CELF2: variants seen among roughly 807,000 people sequenced by gnomAD.
The protein encoded by CELF2 is CUG triplet repeat RNA-binding protein 2.
CELF2 carries 8 observed loss-of-function variants against 62.6 expected under a neutral mutation model. The observed-to-expected ratio is 0.13, with a 90% CI of 0.07 to 0.23. CELF2 has a LOEUF of 0.23. Among genes scored for constraint, CELF2 ranks in the 10% least tolerant of loss-of-function variants. The probability of loss-of-function intolerance (pLI) is 1.00; values close to 1 mark genes in which losing one functional copy is unlikely to be tolerated. For synonymous variants in CELF2, 258 were observed against 250.0 expected, an observed-to-expected ratio of 1.03 and a Z score of -0.30; for missense variants, 333 against 671.0, an observed-to-expected ratio of 0.50 and a Z score of 5.56.
chr10:11,002,378 A>G (rs574156960), upstream of CELF2, among the ~76,000 whole-genome samples: 1 of 152,290 alleles, frequency 6.6e-6, no homozygotes, highest in Admixed American at 6.5e-5. The surrounding 1 kb of genome is among the most constrained non-coding windows in gnomAD (Gnocchi z 4.4). Flanking sequence ...ACAGAGCCAA[A>G]CCGTATCACT....
chr10:10,772,364 A>G, the CELF2 span, among the ~76,000 whole-genome samples: 3 of 152,324 alleles, frequency 2.0e-5, no homozygotes, highest in East Asian at 3.9e-4. Context: ...TTATTACTCT[A>G]GATTTTTAAA....
the CELF2 span, among the ~76,000 whole-genome samples, chr10:10,527,603 A>G: frequency 6.6e-6 from 1 of 152,182 alleles, no homozygotes; most frequent in East Asian, 1.9e-4. Context: ...CTTGAATTTC[A>G]GGCAGAGGTC....
chr10:10,837,779 C>A (rs188492398), intron 1 of CELF2, among the ~76,000 whole-genome samples: 4 of 152,270 alleles, frequency 2.6e-5, no homozygotes, highest in Admixed American at 2.0e-4. Context: ...AGTGCAAGAT[C>A]CTGACCCAAT....
rs538204014 is a variant in CELF2, at chr10:11,012,632, C to T, written c.53+7192C>T. Reference sequence around the variant, plus strand: ...TGTTCAGCTGTTGTAGTCTGTCAAGCGGTAATGTCTCCTTTTTCTAAAATT... The same window carrying T: ...TGTTCAGCTGTTGTAGTCTGTCAAGTGGTAATGTCTCCTTTTTCTAAAATT... On this transcript the variant is annotated intron_variant, in intron 1 of 12. Coordinates refer to the CELF2 transcript ENST00000416382. The surrounding 1 kb of genome is among the most constrained non-coding windows in gnomAD (Gnocchi z 5.5). 6.6e-6 allele frequency among the ~76,000 whole-genome samples: 1 copy of T among 152,230 alleles called. No individual in the cohort carries two copies. The highest frequency in any genetic ancestry group is 1.9e-4 in the East Asian group (1 of 5,188).
chr10:10,849,635 G>T (rs754529133), intron 1 of CELF2, among the ~76,000 whole-genome samples: 1 of 151,972 alleles, frequency 6.6e-6, no homozygotes, highest in Non-Finnish European at 1.5e-5. Flanking sequence ...CTTACATAAC[G>T]ACAGTACAAT....
chr10:10,606,264 C>CT, the CELF2 span, among the ~76,000 whole-genome samples: 1 of 152,144 alleles, frequency 6.6e-6, no homozygotes, highest in Non-Finnish European at 1.5e-5. Context: ...ATTGAGGAGA[C>CT]TTGGCCAATT....
the CELF2 span, among the ~76,000 whole-genome samples, chr10:10,724,595 G>A: frequency 2.1e-5 from 3 of 145,716 alleles, no homozygotes; most frequent in Non-Finnish European, 4.5e-5. Flanking sequence ...GGCGGAGGTT[G>A]CAGTGAGCCA....
chr10:11,077,588 T>TA (rs905130596), intron 1 of CELF2, among the ~76,000 whole-genome samples: 12 of 152,260 alleles, frequency 7.9e-5, no homozygotes, highest in South Asian at 2.1e-4. Context: ...CTGAGCCTTG[T>TA]AAAAAAATAC....
chr10:10,656,314 G>C, the CELF2 span, among the ~76,000 whole-genome samples: 1 of 145,092 alleles, frequency 6.9e-6, no homozygotes, highest in African/African-American at 2.6e-5. Context: ...TCAGTGTGGC[G>C]ATTCCTCAGG....
intron 3 of CELF2, among the ~76,000 whole-genome samples, chr10:11,218,454 A>G (rs915304106): frequency 6.6e-6 from 1 of 152,362 alleles, no homozygotes; most frequent in African/African-American, 2.4e-5. Flanking sequence ...ACATGCACAC[A>G]TAACCATTGA....
chr10:11,305,644 G>A lies in CELF2; in HGVS notation c.977-8495G>A, dbSNP rs1174451022. On this transcript the variant is annotated intron_variant, in intron 9 of 12. Transcript: ENST00000633077. This position sits in a 1 kb window ranked among gnomAD's most constrained non-coding sequence, Gnocchi z 4.8. ...TCCAGGTGATGATCTAGCACCTAAT[G>A]ACCTAGGCACTCGGTCTCTGACCTA... 2.6e-5 allele frequency among the ~76,000 whole-genome samples: 4 copies of A among 152,340 alleles called. No homozygotes were observed. The East Asian group carries it at 7.7e-4, about 29-fold the overall frequency.
intron 1 of CELF2, among the ~76,000 whole-genome samples, chr10:11,141,296 G>A (rs917286143): frequency 7.2e-5 from 11 of 152,186 alleles, no homozygotes; most frequent in African/African-American, 2.7e-4. Flanking sequence ...AGGAATAAAG[G>A]CAAGGGGCAG....
chr10:10,527,838 G>T, the CELF2 span, among the ~76,000 whole-genome samples: 5 of 152,248 alleles, frequency 3.3e-5, no homozygotes, highest in African/African-American at 4.8e-5. Flanking sequence ...CTGTCTAGAT[G>T]CAATCCTAAG....
chr10:10,688,498 C>T, the CELF2 span, among the ~76,000 whole-genome samples: 1 of 152,154 alleles, frequency 6.6e-6, no homozygotes, highest in African/African-American at 2.4e-5. Context: ...TATCATTGTG[C>T]CACAACAGAG....
chr10:11,114,600 T>A lies in CELF2; in HGVS notation c.75-50886T>A, dbSNP rs560413144. ...TATCAATGCAGTCAAATATCTGTTC[T>A]TTGTATGAGGTTGAGTGAGTGGATG... On this transcript the variant is annotated intron_variant, in intron 1 of 12. Coordinates refer to ENST00000633077, the MANE Select transcript of CELF2 (RefSeq NM_001326342.2). 3.9e-4 allele frequency among the ~76,000 whole-genome samples: 60 copies of A among 152,354 alleles called. No homozygotes were observed. In the South Asian group the frequency reaches 0.011, roughly 28 times the overall value.
the CELF2 span, among the ~76,000 whole-genome samples, chr10:10,496,060 T>A: frequency 6.6e-6 from 1 of 152,122 alleles, no homozygotes; most frequent in Non-Finnish European, 1.5e-5. Flanking sequence ...ATTCATTCTG[T>A]CCATGGAAAC....
the CELF2 span, among the ~76,000 whole-genome samples, chr10:10,736,935 C>G: frequency 6.6e-6 from 1 of 152,126 alleles, no homozygotes; most frequent in Non-Finnish European, 1.5e-5. Context: ...GCAACTTAAT[C>G]TCACAGAAAA....
At chr10:10,873,522 G>C (rs940522878) in intron 1 of CELF2, among the ~76,000 whole-genome samples, 1 of 152,172 alleles carries the variant, frequency 6.6e-6, no homozygotes, top group Non-Finnish European at 1.5e-5. Context: ...TGTTTAGTAA[G>C]ATGAATTGCA....
chr10:10,922,948 A>G (rs1479259605), intron 2 of CELF2: 2 of 152,214 alleles, frequency 1.3e-5, no homozygotes, highest in African/African-American at 4.8e-5. Flanking sequence ...TAATGATTTG[A>G]TGATGAATCC....
Sources: allele counts gnomAD v4.1 joint callset (sites outside exome capture counted in the v4.1 genomes callset), GRCh38; gene constraint gnomAD v4.1.1; non-coding constraint Gnocchi (gnomAD v3.1); transcripts MANE v1.5; gene names NCBI Gene and HGNC (gene_info 2026-07-23, HGNC 2026-07-21).